The following SLC14A2 variants were observed in gnomAD, a reference collection of about 807,000 sequenced individuals.
The protein encoded by SLC14A2 is urea transporter 2.
A neutral mutation model predicts 104.6 loss-of-function variants in SLC14A2; 91 were observed. The ratio of observed to expected loss-of-function variants is 0.87; its 90% CI spans 0.73 to 1.04. The LOEUF is 1.04. SLC14A2 is among the 50% of genes least tolerant of loss of function. The pLI, the probability that SLC14A2 is intolerant of heterozygous loss-of-function variation, is 0.00. For missense variants in SLC14A2, 1,189 were observed against 1,156.0 expected (o/e 1.03, Z -0.41); for synonymous variants, 476 against 466.4 (o/e 1.02, Z -0.27).
intron 1 of SLC14A2, among the ~76,000 whole-genome samples, chr18:45,620,670 A>G (rs1309837407): frequency 3.3e-5 from 5 of 152,228 alleles, no homozygotes. Context: ...AAGAAATATA[A>G]AAATCTTTAA....
intron 1 of SLC14A2, among the ~76,000 whole-genome samples, chr18:45,316,069 G>A (rs1209388353): frequency 1.3e-5 from 2 of 152,168 alleles, no homozygotes; most frequent in Admixed American, 6.5e-5. Flanking sequence ...GACCCCAGAG[G>A]GAGCAAGTAC....
At chr18:45,360,852 G>A (rs967230434) in intron 1 of SLC14A2, among the ~76,000 whole-genome samples, 1 of 152,152 alleles carries the variant, frequency 6.6e-6, no homozygotes, top group South Asian at 2.1e-4. Flanking sequence ...TGAAGAAGAA[G>A]GGGAGATTTT....
chr18:45,500,424 A>G (rs551705485), intron 2 of SLC14A2, among the ~76,000 whole-genome samples: 22 of 151,962 alleles, frequency 1.4e-4, no homozygotes, highest in Non-Finnish European at 3.1e-4. Context: ...AAAAATACAA[A>G]AAATTAGCGG....
chr18:45,363,995 A>G (rs1447495343), intron 1 of SLC14A2, among the ~76,000 whole-genome samples: 1 of 152,156 alleles, frequency 6.6e-6, no homozygotes, highest in Non-Finnish European at 1.5e-5. Context: ...TTGCTTTGCC[A>G]AAAGAGGCCA....
At chr18:45,528,788 T>C (rs1437653141) in intron 2 of SLC14A2, 1 of 152,236 alleles carries the variant, frequency 6.6e-6, no homozygotes, top group Non-Finnish European at 1.5e-5. Context: ...CTGCTATCAA[T>C]TCTTCCTTTC....
At chr18:45,317,072 T>G (rs2085136601) in intron 1 of SLC14A2, among the ~76,000 whole-genome samples, 1 of 152,242 alleles carries the variant, frequency 6.6e-6, no homozygotes, top group African/African-American at 2.4e-5. Flanking sequence ...AATTCTGAGC[T>G]GTGTACCACA....
chr18:45,419,790 T>G (rs574816441), intron 1 of SLC14A2, among the ~76,000 whole-genome samples: 1 of 143,230 alleles, frequency 7.0e-6, no homozygotes, highest in Non-Finnish European at 1.5e-5. Flanking sequence ...AAAAAAAAAA[T>G]CTCCAGTTTT....
In SLC14A2 at chr18:45,581,599, A is replaced by G. The variant is rs1248730803; in HGVS notation, c.-34-43032A>G. Among the ~76,000 whole-genome samples the G allele has an allele frequency of 4.6e-5, 7 of 152,178 alleles. No individual in the cohort carries two copies. In the East Asian group the frequency reaches 1.3e-3, roughly 29 times the overall value. On this transcript the variant is annotated intron_variant, in intron 2 of 20. Transcript: ENST00000586448. ...TAATCCTGCCTCTGCCACTCACCCA[A>G]GGTAAGTGGTGTATCTCCTCCGAGC...
chr18:45,302,632 G>A (rs565938162), intron 1 of SLC14A2, among the ~76,000 whole-genome samples: 4 of 152,016 alleles, frequency 2.6e-5, no homozygotes, highest in South Asian at 2.1e-4. Flanking sequence ...TCCTGAGTTC[G>A]GGTCTTCTTT....
intron 5 of SLC14A2, among the ~76,000 whole-genome samples, chr18:45,636,095 T>A (rs2045412342): frequency 1.3e-5 from 2 of 152,104 alleles, no homozygotes; most frequent in Admixed American, 1.3e-4. Context: ...AAGGTGAAAA[T>A]GTGAAATACT....
chr18:45,251,700 CTCTTA>C (rs2084425056), intron 1 of SLC14A2, among the ~76,000 whole-genome samples: 1 of 152,162 alleles, frequency 6.6e-6, no homozygotes, highest in Non-Finnish European at 1.5e-5. Context: ...TAATTTCCTC[CTCTTA>C]TAACGACACC....
At chr18:45,300,026 G>T (rs2084953092) in intron 1 of SLC14A2, among the ~76,000 whole-genome samples, 1 of 152,146 alleles carries the variant, frequency 6.6e-6, no homozygotes, top group South Asian at 2.1e-4. Context: ...GCAAGAGAAG[G>T]AGCCTCTCAG....
At chr18:45,606,215 C>T (rs926628033) in intron 2 of SLC14A2, among the ~76,000 whole-genome samples, 1 of 152,156 alleles carries the variant, frequency 6.6e-6, no homozygotes, top group African/African-American at 2.4e-5. Flanking sequence ...AAATTCCTTT[C>T]TAATTATTCC....
At chr18:45,507,124 A>T (rs2144778718) in intron 2 of SLC14A2, 1 of 152,324 alleles carries the variant, frequency 6.6e-6, no homozygotes, top group East Asian at 1.9e-4. Context: ...TAACTACACA[A>T]GGTGATGACA....
chr18:45,244,328 C>T (rs1424630017), intron 1 of SLC14A2, among the ~76,000 whole-genome samples: 5 of 151,346 alleles, frequency 3.3e-5, no homozygotes, highest in African/African-American at 1.2e-4. Context: ...TTAAAAAAGC[C>T]GGGGGGAGGG....
chr18:45,283,168 G>A (rs1371600822), intron 1 of SLC14A2, among the ~76,000 whole-genome samples: 3 of 151,810 alleles, frequency 2.0e-5, no homozygotes, highest in Non-Finnish European at 2.9e-5. Flanking sequence ...CTTAATACCC[G>A]CTCTAAGGAA....
intron 1 of SLC14A2, among the ~76,000 whole-genome samples, chr18:45,353,559 A>G (rs2085522724): frequency 6.6e-6 from 1 of 152,200 alleles, no homozygotes. Context: ...ACAGATTAAA[A>G]TTGTTCTTAC....
rs1321087497 is a variant in SLC14A2 at position 45,236,217 on chromosome 18, GTATATA to G, written c.-125+23028_-125+23033del. On this transcript the variant is annotated intron_variant, in intron 1 of 20. Transcript: ENST00000586448. ...TATGTGTATATATACATATATGTGTGTATATATGTGTATATATACATATATGTGTGT... is the reference window on the plus strand; with the variant it reads ...TATGTGTATATATACATATATGTGTGTGTGTATATATACATATATGTGTGT... Among the ~76,000 whole-genome samples the G allele has an allele frequency of 1.2e-4, 6 of 50,290 alleles. 2 individuals are homozygous for G. In the South Asian group the frequency reaches 1.9e-3, roughly 16 times the overall value. The allele number at this position is 50,290 out of a possible 152,430, so 33.0% of individuals were successfully genotyped here.
At chr18:45,280,807 A>T (rs1346886689) in intron 1 of SLC14A2, among the ~76,000 whole-genome samples, 2 of 152,146 alleles carry the variant, frequency 1.3e-5, no homozygotes, top group Non-Finnish European at 2.9e-5. Context: ...TTCCTCTTGA[A>T]TCATCTCTGA....
Sources: gnomAD v4.1 joint callset for allele counts (sites outside exome capture counted in the v4.1 genomes callset) on GRCh38, gnomAD v4.1.1 for gene constraint, MANE v1.5 for transcripts, NCBI Gene and HGNC (gene_info 2026-07-23, HGNC 2026-07-21) for gene names.